Variants in CCSER1 observed in about 807,000 individuals in gnomAD.
CCSER1 encodes the protein serine-rich coiled-coil domain-containing protein 1.
Under a neutral mutation model 82.0 loss-of-function variants are expected in CCSER1, and 41 were observed. The ratio of observed to expected loss-of-function variants is 0.50; its 90% CI spans 0.39 to 0.65. The LOEUF (loss-of-function observed/expected upper bound fraction) is 0.65, where lower values mean the gene tolerates loss of function less well. Among genes scored for constraint, CCSER1 ranks in the 30% least tolerant of loss-of-function variants. The pLI, the probability that CCSER1 is intolerant of heterozygous loss-of-function variation, is 0.00. For synonymous variants in CCSER1, 414 were observed against 383.9 expected (o/e 1.08, Z -0.92); for missense variants, 1,119 against 1,064.2 (o/e 1.05, Z -0.72).
chr4:91,409,726 A>T (rs927978401), intron 10 of CCSER1, among the ~76,000 whole-genome samples: 1 of 152,028 alleles, frequency 6.6e-6, no homozygotes, highest in African/African-American at 2.4e-5. Context: ...TCGCTGGGTC[A>T]CCCAGGCTGG....
intron 5 of CCSER1, among the ~76,000 whole-genome samples, chr4:90,514,932 A>T (rs1366702989): frequency 6.7e-6 from 1 of 149,668 alleles, no homozygotes; most frequent in African/African-American, 2.5e-5. Context: ...CTCTTGGTTC[A>T]CTGCAACCTC....
chr4:91,352,623 A>G (rs1039528792), intron 10 of CCSER1, among the ~76,000 whole-genome samples: 2 of 152,226 alleles, frequency 1.3e-5, no homozygotes, highest in African/African-American at 4.8e-5. Context: ...TTAGAAATAA[A>G]AAGCATTCTT....
intron 9 of CCSER1, among the ~76,000 whole-genome samples, chr4:90,925,617 G>C (rs1052774690): frequency 1.3e-5 from 2 of 152,000 alleles, no homozygotes; most frequent in Non-Finnish European, 2.9e-5. Flanking sequence ...TTACGTATTT[G>C]CCTATCCATG....
At chr4:91,106,826 ATCTAC>A (rs1725664642) in intron 10 of CCSER1, among the ~76,000 whole-genome samples, 1 of 152,190 alleles carries the variant, frequency 6.6e-6, no homozygotes, top group African/African-American at 2.4e-5. Context: ...GGTATCAGCT[ATCTAC>A]TCTATAGATG....
At chr4:91,034,683 G>T (rs1390570460) in intron 9 of CCSER1, among the ~76,000 whole-genome samples, 1 of 152,052 alleles carries the variant, frequency 6.6e-6, no homozygotes, top group African/African-American at 2.4e-5. Context: ...TATCACTCTA[G>T]TTTCATCTGT....
chr4:91,378,830 G>A (rs1163956307), intron 10 of CCSER1, among the ~76,000 whole-genome samples: 8 of 152,226 alleles, frequency 5.3e-5, no homozygotes, highest in Admixed American at 1.3e-4. Flanking sequence ...TTTTGTGCCA[G>A]TTTTCAAAGG....
chr4:90,723,470 A>G lies in CCSER1; in HGVS notation c.1933-444A>G, dbSNP rs548646942. ...TGTATATTATGGCAGATTGGTTTACATAATGAAAAAAATGGTTGCAATGAT... is the reference window on the plus strand; with the variant it reads ...TGTATATTATGGCAGATTGGTTTACGTAATGAAAAAAATGGTTGCAATGAT... On this transcript the variant is annotated intron_variant, in intron 6 of 10. Transcript: ENST00000509176. 2.6e-5 allele frequency among the ~76,000 whole-genome samples: 4 copies of G among 152,062 alleles called. No homozygotes were observed. In the East Asian group the frequency reaches 7.7e-4, roughly 29 times the overall value.
chr4:90,352,634 C>T (rs1743678542), intron 3 of CCSER1, among the ~76,000 whole-genome samples: 1 of 149,508 alleles, frequency 6.7e-6, no homozygotes, highest in Admixed American at 6.7e-5. Context: ...TGCACTACAG[C>T]CTGGGCGACA....
At chr4:91,082,827 T>TG (rs1722929710) in intron 9 of CCSER1, among the ~76,000 whole-genome samples, 1 of 152,096 alleles carries the variant, frequency 6.6e-6, no homozygotes, top group Non-Finnish European at 1.5e-5. Flanking sequence ...TCATCACTGG[T>TG]CATCAGAGAA....
chr4:91,392,818 A>G (rs1218815074), intron 10 of CCSER1, among the ~76,000 whole-genome samples: 2 of 152,054 alleles, frequency 1.3e-5, no homozygotes, highest in African/African-American at 4.8e-5. Flanking sequence ...GGTTTTCCAC[A>G]TTTTTCTGAT....
chr4:91,306,395 G>T (rs1392336351), intron 10 of CCSER1, among the ~76,000 whole-genome samples: 1 of 151,860 alleles, frequency 6.6e-6, no homozygotes, highest in Admixed American at 6.6e-5. Context: ...AAAATATAAA[G>T]AATTAGTACA....
In CCSER1 at chr4:91,562,259, A is replaced by G. The variant is rs529548259; in HGVS notation, c.2218-36313A>G. Among the ~76,000 whole-genome samples the G allele has an allele frequency of 6.4e-4, 97 of 151,588 alleles. 1 individual carries two copies. In the Middle Eastern group the frequency reaches 0.044, roughly 69 times the overall value. ...AGACATATTGAAGTGTTTTTTTTCA[A>G]AATTGTGAACTTTTATGTCTTTAAA... On this transcript the variant is annotated intron_variant, in intron 10 of 10. Transcript: ENST00000509176.
chr4:91,182,824 A>T (rs1169159765), intron 10 of CCSER1, among the ~76,000 whole-genome samples: 1 of 152,224 alleles, frequency 6.6e-6, no homozygotes, highest in Non-Finnish European at 1.5e-5. Context: ...CATGTGTGAC[A>T]TCCATTTGCC....
At chr4:90,997,434 C>G (rs1737594966) in intron 9 of CCSER1, among the ~76,000 whole-genome samples, 3 of 152,132 alleles carry the variant, frequency 2.0e-5, no homozygotes, top group Non-Finnish European at 4.4e-5. Flanking sequence ...ATTAATATTC[C>G]TATCCTAGGG....
chr4:91,457,163 A>G (rs866929820), intron 10 of CCSER1, among the ~76,000 whole-genome samples: 3 of 152,244 alleles, frequency 2.0e-5, no homozygotes, highest in Middle Eastern at 6.8e-3. Context: ...CACCACATCT[A>G]AATATCAACT....
intron 1 of CCSER1, among the ~76,000 whole-genome samples, chr4:90,256,610 T>C (rs970741686): frequency 1.3e-5 from 2 of 152,134 alleles, no homozygotes; most frequent in Non-Finnish European, 2.9e-5. Flanking sequence ...ATATTAAAAA[T>C]ACATTAAGGT....
At chr4:91,185,092 C>T (rs1302345269) in intron 10 of CCSER1, among the ~76,000 whole-genome samples, 4 of 152,214 alleles carry the variant, frequency 2.6e-5, no homozygotes, top group Admixed American at 6.5e-5. Context: ...GAAATGTCCA[C>T]TCCTGTATCT....
At chr4:90,227,606 A>G (rs1049368208) in intron 1 of CCSER1, among the ~76,000 whole-genome samples, 1 of 152,154 alleles carries the variant, frequency 6.6e-6, no homozygotes, top group African/African-American at 2.4e-5. Flanking sequence ...TATAGAGCTT[A>G]TGGGGGGAGG....
chr4:91,595,968 C>T (rs1437044365), intron 10 of CCSER1, among the ~76,000 whole-genome samples: 1 of 94,420 alleles, frequency 1.1e-5, no homozygotes, highest in Non-Finnish European at 2.2e-5. Context: ...AAAAAAAAAA[C>T]CAAGGGCAAA....
Sources: allele counts gnomAD v4.1 joint callset (sites outside exome capture counted in the v4.1 genomes callset), GRCh38; gene constraint gnomAD v4.1.1; transcripts MANE v1.5; gene names NCBI Gene and HGNC (gene_info 2026-07-23, HGNC 2026-07-21).